Variants in BZW1 observed in about 807,000 individuals in gnomAD.
BZW1 encodes eIF5-mimic protein 2.
In BZW1, 3 loss-of-function variants were observed where a neutral mutation model predicts 54.1. The ratio of observed to expected loss-of-function variants is 0.06; its 90% CI spans 0.03 to 0.14. The LOEUF (loss-of-function observed/expected upper bound fraction) is 0.14. Ranked by LOEUF, BZW1 falls within the 10% of genes least tolerant of loss-of-function variation. The pLI is 1.00. For synonymous variants in BZW1, 152 were observed against 162.7 expected, an observed-to-expected ratio of 0.93 and a Z score of 0.50; for missense variants, 206 against 491.7, an observed-to-expected ratio of 0.42 and a Z score of 5.50.
At chr2:200,812,407 G>T (rs1359760209) in intron 1 of BZW1, 9 of 1,280,818 alleles carry the variant, frequency 7.0e-6, no homozygotes, top group African/African-American at 3.1e-5. Flanking sequence ...AGGGCGGGCG[G>T]ATGTACGGGG....
intron 1 of BZW1, chr2:200,812,399 G>A (rs1231667532): frequency 7.8e-7 from 1 of 1,281,648 alleles, no homozygotes; most frequent in Non-Finnish European, 9.8e-7. Flanking sequence ...TTCGCTGGAG[G>A]GCGGGCGGAT....
chr2:200,818,101 A>T lies in BZW1; in HGVS notation c.648+18A>T. 1 of 1,534,532 alleles carries T rather than the reference A, an allele frequency of 6.5e-7. No homozygotes were observed. On this transcript the variant is annotated intron_variant, in intron 7 of 11. Coordinates refer to ENST00000409600, the MANE Select transcript of BZW1 (RefSeq NM_001207067.2). ...GACTGATGGTTGGTAACTTTTTTTC[A>T]TTCTTCCCATTCTTGCCAAGGATGT...
Position 200,824,818 on chromosome 2 carries a change from C to T in BZW1, c.*2640C>T, listed in dbSNP as rs2038649383. On this transcript the variant is annotated 3_prime_UTR_variant, in exon 12 of 12. Transcript: ENST00000409600. ...TCCCGAGTAGCTGGGACTACAGGCGCCCGCCACCATGCCCGACTAATTTTT... is the reference window on the plus strand; with the variant it reads ...TCCCGAGTAGCTGGGACTACAGGCGTCCGCCACCATGCCCGACTAATTTTT... The T allele has an allele frequency of 6.6e-6, 1 of 151,532 alleles. No homozygotes were observed. Among genetic ancestry groups the T allele is most frequent in the Non-Finnish European group, 1.5e-5 (1 of 67,890 alleles). The allele number at this position is 151,532 out of a possible 1,614,324, so 9.4% of individuals were successfully genotyped here.
rs772533292 is a variant in BZW1, at chr2:200,815,778, A to C, written c.336+17A>C. On this transcript the variant is annotated intron_variant, in intron 4 of 11. Coordinates refer to ENST00000409600, the MANE Select transcript of BZW1 (RefSeq NM_001207067.2). ...TTTGCTCAGGTAAATGAAACTTTAC[A>C]TAATTGTTTTCAGTTGGCTACTATC... 3 of 1,523,330 alleles carry C rather than the reference A, an allele frequency of 2.0e-6. No individual in the cohort carries two copies. Among genetic ancestry groups the C allele is most frequent in the Non-Finnish European group, 2.6e-6 (3 of 1,135,088 alleles). 94.4% of individuals were successfully genotyped at this position (1,523,330 alleles called of 1,614,324 possible).
chr2:200,819,609 G>GT lies in BZW1; in HGVS notation c.967-373_967-372insT, dbSNP rs1414055058. Among the ~76,000 whole-genome samples the GT allele has an allele frequency of 3.6e-4, 54 of 149,576 alleles. 1 individual carries two copies. Among genetic ancestry groups the GT allele is most frequent in the African/African-American group, 1.0e-3 (42 of 40,884 alleles). On this transcript the variant is annotated intron_variant, in intron 9 of 11. Coordinates refer to ENST00000409600, the MANE Select transcript of BZW1 (RefSeq NM_001207067.2). ...ACAGTCTCACTCTGTCACCCAGGCT[G>GT]GAGTGCAGTGATGTGATCTCAGCTC...
chr2:200,815,569 G>A (rs2038257797), intron 3 of BZW1, 52 bp downstream of exon 3: 42 of 1,603,848 alleles, frequency 2.6e-5, no homozygotes, highest in Non-Finnish European at 3.3e-5. Flanking sequence ...ATAATATATG[G>A]AGATTATGGA....
In BZW1 at chr2:200,826,425, T is replaced by TGATAGATAGATAGA; in HGVS notation, c.*4247_*4248insGATAGATAGATAGA. ...GATAGATATTTTTTTTTTTTTTTTT[T>TGATAGATAGATAGA]TTTTTTTTTTTTTTTTTGAGACAGA... On this transcript the variant is annotated 3_prime_UTR_variant, in exon 12 of 12. Coordinates refer to ENST00000409600, the MANE Select transcript of BZW1 (RefSeq NM_001207067.2). 1 of 102,618 alleles carries TGATAGATAGATAGA rather than the reference T, an allele frequency of 9.7e-6. No individual in the cohort carries two copies. The highest frequency in any genetic ancestry group is 3.5e-5 in the African/African-American group (1 of 28,238). The allele number at this position is 102,618 out of a possible 1,614,324, so 6.4% of individuals were successfully genotyped here.
chr2:200,818,505 G>A, intron 8 of BZW1, 112 bp downstream of exon 8: 4 of 1,279,328 alleles, frequency 3.1e-6, no homozygotes, highest in Non-Finnish European at 4.4e-6. Flanking sequence ...GTAACAGGAT[G>A]TTATACTGGA....
At chr2:200,813,131 T>G (rs900885283) in intron 1 of BZW1, 77 bp from the exon 2 acceptor site, 5 of 1,229,678 alleles carry the variant, frequency 4.1e-6, no homozygotes, top group Non-Finnish European at 5.9e-6. Context: ...CATATGTGAC[T>G]AGACTAAGGT....
In BZW1 at chr2:200,815,477, A is replaced by G. The variant is rs548990501; in HGVS notation, c.201A>G (p.Ala67=). ...SGAKLDYRRY[A]ETLFDILVAG... ...CAAAACTTGATTACCGTCGATATGC[A>G]GAAACACTCTTTGACATTCTGGTGG... The change falls in exon 3 of 12, where the codon GCA becomes GCG. Residue 67 remains alanine (A), a synonymous_variant. Coordinates refer to ENST00000409600, the MANE Select transcript of BZW1 (RefSeq NM_001207067.2). The G allele has an allele frequency of 1.2e-6, 2 of 1,614,028 alleles. No individual in the cohort carries two copies. The highest frequency in any genetic ancestry group is 2.2e-5 in the South Asian group (2 of 91,084).
rs1489371034 is a variant in BZW1 at position 200,821,188 on chromosome 2, G to A, written c.1111G>A (p.Val371Ile). ...KIVVLFYKAE[V>I]LSEEPILKWY... ...GCAATGAGTTTTCTTTCCAGCTGAA[G>A]TCCTGAGCGAGGAGCCCATTTTGAA... is the stretch of plus-strand genomic sequence containing the variant. Residue 371 changes from valine (V) to isoleucine (I), a missense_variant, in exon 11 of 12, where the codon GTC becomes ATC. Physicochemically the swap from Val to Ile is conservative, Grantham distance 29 (BLOSUM62 3). This residue lies in a region of BZW1 where 60 missense variants were observed against 151.8 expected (regional missense o/e 0.40). Coordinates refer to ENST00000409600, the MANE Select transcript of BZW1 (RefSeq NM_001207067.2). The A allele has an allele frequency of 6.2e-7, 1 of 1,611,528 alleles. No homozygotes were observed. Among genetic ancestry groups the A allele is most frequent in the South Asian group, 1.1e-5 (1 of 90,960 alleles).
intron 1 of BZW1, chr2:200,812,428 C>G (rs1395969484): frequency 2.3e-6 from 3 of 1,286,590 alleles, no homozygotes; most frequent in South Asian, 2.5e-5. Context: ...CGCCTGGGGC[C>G]CCGGCGCAAA....
intron 4 of BZW1, 114 bp downstream of exon 4, chr2:200,815,875 ATT>A: frequency 9.6e-7 from 1 of 1,041,422 alleles, no homozygotes; most frequent in Non-Finnish European, 1.4e-6. Context: ...TTGATTTTAA[ATT>A]TTAGGGATAC....
At chr2:200,817,475 T>C (rs559272009) in intron 6 of BZW1, among the ~76,000 whole-genome samples, 1 of 152,294 alleles carries the variant, frequency 6.6e-6, no homozygotes, top group Non-Finnish European at 1.5e-5. Flanking sequence ...TTGTTATATG[T>C]AATAAAAATA....
intron 6 of BZW1, among the ~76,000 whole-genome samples, chr2:200,817,769 A>G (rs1177147591): frequency 6.6e-6 from 1 of 152,134 alleles, no homozygotes; most frequent in Non-Finnish European, 1.5e-5. Flanking sequence ...ACTTTAAGTA[A>G]CTTGGCCAAG....
rs200597625 is a variant in BZW1, at chr2:200,815,695, G to C, written c.270G>C (p.Met90Ile). Reference sequence around the variant, plus strand: ...CAGGTGGTACACTGGCAGATGACATGATGCGTACAGATGTCTGCGTGTTTG... The same window carrying C: ...CAGGTGGTACACTGGCAGATGACATCATGCGTACAGATGTCTGCGTGTTTG... ...LAPGGTLADD[M>I]MRTDVCVFAA... Residue 90 changes from methionine (M) to isoleucine (I), a missense_variant, in exon 4 of 12, where the codon ATG (methionine) becomes ATC (isoleucine). Around this residue, in one of 5 missense-constraint regions of BZW1, gnomAD observed 81 missense variants for 257.1 expected, o/e 0.32. Transcript: ENST00000409600. 427 of 1,596,260 alleles carry C rather than the reference G, an allele frequency of 2.7e-4. 1 individual carries two copies. In the African/African-American group the frequency reaches 5.3e-3, roughly 20 times the overall value.
chr2:200,812,043 C>T (rs2105858638), intron 1 of BZW1, 53 bp downstream of exon 1: 1 of 411,162 alleles, frequency 2.4e-6, no homozygotes, highest in Non-Finnish European at 4.1e-6. Flanking sequence ...TCGTGGACGC[C>T]GGGCAGAGGG....
intron 1 of BZW1, 150 bp downstream of exon 1, chr2:200,812,140 G>A: frequency 9.4e-7 from 1 of 1,060,842 alleles, no homozygotes; most frequent in Non-Finnish European, 1.2e-6. Flanking sequence ...TCTAGGGCCT[G>A]AAAGGCCGCC....
At chr2:200,814,946 A>C (rs2038232055) in intron 2 of BZW1, among the ~76,000 whole-genome samples, 1 of 152,230 alleles carries the variant, frequency 6.6e-6, no homozygotes, top group African/African-American at 2.4e-5. Flanking sequence ...GGATTGGTTC[A>C]ATTTTTTTGT....
Sources: gnomAD v4.1 joint callset for allele counts (sites outside exome capture counted in the v4.1 genomes callset) on GRCh38, gnomAD v4.1.1 for gene constraint, gnomAD v4.1.1 regional missense constraint, MANE v1.5 for transcripts, NCBI Gene and HGNC (gene_info 2026-07-23, HGNC 2026-07-21) for gene names.